Variants in CNTNAP4 observed in about 807,000 individuals in gnomAD.
CNTNAP4 encodes the protein contactin-associated protein-like 4.
CNTNAP4 carries 98 observed loss-of-function variants against 148.4 expected under a neutral mutation model. That is an observed-to-expected ratio of 0.66 (90% CI 0.56 to 0.78). The LOEUF (loss-of-function observed/expected upper bound fraction) is 0.78. Among genes scored for constraint, CNTNAP4 ranks in the 30% least tolerant of loss-of-function variants. The pLI, the probability that CNTNAP4 is intolerant of heterozygous loss-of-function variation, is 0.00. For missense variants in CNTNAP4, 1,935 were observed against 1,565.6 expected, an observed-to-expected ratio of 1.24 and a Z score of -3.98; for synonymous variants, 730 against 565.1, an observed-to-expected ratio of 1.29 and a Z score of -4.14.
intron 2 of CNTNAP4, among the ~76,000 whole-genome samples, chr16:76,353,292 T>A (rs148017162): frequency 6.6e-6 from 1 of 152,358 alleles, no homozygotes; most frequent in East Asian, 1.9e-4. Context: ...TATACCTGAA[T>A]GCAAGCAGTC....
At chr16:76,384,799 T>C (rs2016348930) in intron 3 of CNTNAP4, among the ~76,000 whole-genome samples, 1 of 152,218 alleles carries the variant, frequency 6.6e-6, no homozygotes, top group African/African-American at 2.4e-5. Context: ...TTTATTTTAC[T>C]ACAGTTAATT....
chr16:76,446,998 G>T (rs972609717), intron 4 of CNTNAP4, among the ~76,000 whole-genome samples: 1 of 152,130 alleles, frequency 6.6e-6, no homozygotes, highest in Non-Finnish European at 1.5e-5. Context: ...GGAATAAGAA[G>T]AAATAGCCTT....
At chr16:76,355,580 A>T in intron 3 of CNTNAP4, 69 bp downstream of exon 3, 1 of 1,145,804 alleles carries the variant, frequency 8.7e-7, no homozygotes, top group Non-Finnish European at 1.2e-6. Flanking sequence ...CTTGTTTACC[A>T]ATCTCTTAAA....
intron 17 of CNTNAP4, among the ~76,000 whole-genome samples, chr16:76,529,906 A>C (rs952283131): frequency 4.6e-5 from 7 of 151,420 alleles, no homozygotes; most frequent in Admixed American, 4.6e-4. Context: ...TTCACCTGGG[A>C]GTGAAATTTC....
intron 21 of CNTNAP4, among the ~76,000 whole-genome samples, chr16:76,543,998 C>T (rs549502179): frequency 3.3e-5 from 5 of 152,152 alleles, no homozygotes; most frequent in African/African-American, 9.7e-5. Context: ...ACAAGGTAGA[C>T]GTTACATCTG....
intron 13 of CNTNAP4, among the ~76,000 whole-genome samples, chr16:76,491,930 G>T (rs2082238656): frequency 6.6e-6 from 1 of 152,086 alleles, no homozygotes; most frequent in Non-Finnish European, 1.5e-5. Context: ...CTTGGCTATT[G>T]TGAATAAAGC....
chr16:76,466,454 C>G (rs895419518), intron 9 of CNTNAP4, among the ~76,000 whole-genome samples: 1 of 151,980 alleles, frequency 6.6e-6, no homozygotes, highest in African/African-American at 2.4e-5. Flanking sequence ...GATGAATACC[C>G]CATTCTTCAT....
At chr16:76,327,414 A>G (rs1435666706) in intron 2 of CNTNAP4, among the ~76,000 whole-genome samples, 2 of 152,180 alleles carry the variant, frequency 1.3e-5, no homozygotes, top group Non-Finnish European at 2.9e-5. Flanking sequence ...GTAGTATTCC[A>G]TGGTGTGTAT....
At chr16:76,491,368 T>A (rs1043732292) in intron 13 of CNTNAP4, among the ~76,000 whole-genome samples, 1 of 152,218 alleles carries the variant, frequency 6.6e-6, no homozygotes, top group African/African-American at 2.4e-5. Flanking sequence ...GATGAAACCT[T>A]GATTCATGAA....
At chr16:76,322,123 G>A (rs997107838) in intron 2 of CNTNAP4, among the ~76,000 whole-genome samples, 2 of 152,172 alleles carry the variant, frequency 1.3e-5, no homozygotes, top group Non-Finnish European at 2.9e-5. Context: ...TCCAGAATCC[G>A]ATGTGCTGAG....
chr16:76,359,046 T>A (rs922863761), intron 3 of CNTNAP4, among the ~76,000 whole-genome samples: 15 of 152,232 alleles, frequency 9.9e-5, no homozygotes, highest in African/African-American at 3.1e-4. Flanking sequence ...GTGCCCTGTC[T>A]CTTGACTTTT....
intron 1 of CNTNAP4, among the ~76,000 whole-genome samples, chr16:76,314,096 A>G (rs572762539): frequency 6.6e-6 from 1 of 152,354 alleles, no homozygotes; most frequent in South Asian, 2.1e-4. Context: ...TATATGTGAT[A>G]CACATAAAAG....
intron 14 of CNTNAP4, among the ~76,000 whole-genome samples, chr16:76,497,751 G>A (rs1237350327): frequency 6.6e-6 from 1 of 152,082 alleles, no homozygotes; most frequent in Non-Finnish European, 1.5e-5. Flanking sequence ...TAGATGATGG[G>A]TTGATGGGTG....
chr16:76,455,966 A>G (rs1382231684), intron 8 of CNTNAP4, among the ~76,000 whole-genome samples: 1 of 152,204 alleles, frequency 6.6e-6, no homozygotes, highest in Non-Finnish European at 1.5e-5. Flanking sequence ...TGTATTTTGT[A>G]TGTTTATGTG....
intron 1 of CNTNAP4, among the ~76,000 whole-genome samples, chr16:76,304,636 T>G (rs901354309): frequency 8.5e-5 from 13 of 152,200 alleles, no homozygotes; most frequent in African/African-American, 2.9e-4. Context: ...ACATGTGGAC[T>G]CCATTGTTAA....
At chr16:76,495,110 A>C (rs1462431897) in intron 14 of CNTNAP4, 44 bp downstream of exon 14, 2 of 1,602,332 alleles carry the variant, frequency 1.2e-6, no homozygotes, top group Admixed American at 3.4e-5. Flanking sequence ...AGTTCATTTA[A>C]AAAAATTAAT....
At chr16:76,406,546 C>G (rs905934103) in intron 3 of CNTNAP4, among the ~76,000 whole-genome samples, 3 of 152,012 alleles carry the variant, frequency 2.0e-5, no homozygotes, top group Non-Finnish European at 4.4e-5. Flanking sequence ...AGCTAGGCTT[C>G]TTGCAGCAAA....
chr16:76,410,252 G>T lies in CNTNAP4; in HGVS notation c.391-17200G>T, dbSNP rs549541028. ...ATTGTTGATGTTTGAAAAAAATGTT[G>T]TCTACAAAGATTGAGAAGATTTTTT... On this transcript the variant is annotated intron_variant, in intron 3 of 23. Transcript: ENST00000611870. Among the ~76,000 whole-genome samples, 145 of 151,822 alleles carry T rather than the reference G, an allele frequency of 9.6e-4. 1 individual carries two copies. Among genetic ancestry groups the T allele is most frequent in the African/African-American group, 3.2e-3 (133 of 41,486 alleles).
At chr16:76,355,770 G>A (rs1366959576) in intron 3 of CNTNAP4, among the ~76,000 whole-genome samples, 1 of 147,192 alleles carries the variant, frequency 6.8e-6, no homozygotes, top group African/African-American at 2.4e-5. Flanking sequence ...AAATAGTGTG[G>A]GAGTCTAAGA....
Sources: allele counts gnomAD v4.1 joint callset (sites outside exome capture counted in the v4.1 genomes callset), GRCh38; gene constraint gnomAD v4.1.1; transcripts MANE v1.5; gene names NCBI Gene and HGNC (gene_info 2026-07-23, HGNC 2026-07-21).